The following EHMT1 variants were observed in gnomAD, a reference collection of about 807,000 sequenced individuals.
EHMT1 encodes histone-lysine N-methyltransferase EHMT1.
EHMT1 carries 15 observed loss-of-function variants against 147.2 expected under a neutral mutation model. That is an observed-to-expected ratio of 0.10 (90% CI 0.07 to 0.16). EHMT1 has a LOEUF of 0.16. Among genes scored for constraint, EHMT1 ranks in the 10% least tolerant of loss-of-function variants. The pLI is 1.00. For missense variants in EHMT1, 1,587 were observed against 1,772.4 expected, an observed-to-expected ratio of 0.90 and a Z score of 1.88; for synonymous variants, 795 against 709.6, an observed-to-expected ratio of 1.12 and a Z score of -1.91.
chr9:137,813,669 T>G lies in EHMT1; in HGVS notation c.3180+139T>G. 8.0e-7 allele frequency: 1 copy of G among 1,246,632 alleles called. No individual in the cohort carries two copies. The highest frequency in any genetic ancestry group is 2.5e-5 in the East Asian group (1 of 39,638). 77.2% of individuals were successfully genotyped at this position (1,246,632 alleles called of 1,614,324 possible). A position where few individuals can be genotyped will look rare whatever the true frequency, so the allele number is the denominator to read the frequency against. On this transcript the variant is annotated intron_variant, in intron 21 of 26. Transcript: ENST00000460843. The surrounding 1 kb of genome is among the most constrained non-coding windows in gnomAD (Gnocchi z 4.9). ...CTTCCCAGGAAGACCTCATTCTCTT[T>G]GTAGTTGCCTCCCGTGAAAGAGCTG...
At chr9:137,759,722 T>C (rs1355159882) in intron 9 of EHMT1, among the ~76,000 whole-genome samples, 1 of 152,142 alleles carries the variant, frequency 6.6e-6, no homozygotes, top group Non-Finnish European at 1.5e-5. Flanking sequence ...AGATCATCAG[T>C]GTGTAGAAGA....
At chr9:137,809,164 A>G (rs895111667) in intron 18 of EHMT1, among the ~76,000 whole-genome samples, 2 of 152,174 alleles carry the variant, frequency 1.3e-5, no homozygotes, top group African/African-American at 2.4e-5. Context: ...TTAGAAGTCA[A>G]GGGAACAGTG....
chr9:137,793,301 C>A (rs941469044), intron 16 of EHMT1, among the ~76,000 whole-genome samples: 1 of 152,238 alleles, frequency 6.6e-6, no homozygotes, highest in Non-Finnish European at 1.5e-5. Flanking sequence ...GTAGCCATCT[C>A]TCTAAGGAAG....
At chr9:137,693,158 C>T (rs1334231259) in intron 1 of EHMT1, among the ~76,000 whole-genome samples, 1 of 152,124 alleles carries the variant, frequency 6.6e-6, no homozygotes, top group African/African-American at 2.4e-5. Context: ...GGGCCGGAGC[C>T]ACAGCGTGGA....
chr9:137,803,517 A>G (rs1194857707), intron 18 of EHMT1, among the ~76,000 whole-genome samples: 1 of 152,094 alleles, frequency 6.6e-6, no homozygotes, highest in African/African-American at 2.4e-5. Flanking sequence ...TGAAGTGCCC[A>G]TTGTGTGAAT....
chr9:137,704,108 T>C (rs1944055447), intron 1 of EHMT1, among the ~76,000 whole-genome samples: 2 of 152,140 alleles, frequency 1.3e-5, no homozygotes, highest in Admixed American at 6.5e-5. Flanking sequence ...TTGTGAGATA[T>C]ATCACGAAAA....
chr9:137,775,891 G>C lies in EHMT1; in HGVS notation c.1791+639G>C, dbSNP rs890029254. On this transcript the variant is annotated intron_variant, in intron 11 of 26. Coordinates refer to ENST00000460843, the MANE Select transcript of EHMT1 (RefSeq NM_024757.5). This position sits in a 1 kb window ranked among gnomAD's most constrained non-coding sequence, Gnocchi z 6.1. ...ATCCTCGTGCATGTAGGGTGTGTGTGTGTGTGTGTCTGTGCGCGCACACAT... is the reference window on the plus strand; with the variant it reads ...ATCCTCGTGCATGTAGGGTGTGTGTCTGTGTGTGTCTGTGCGCGCACACAT... 6.6e-5 allele frequency among the ~76,000 whole-genome samples: 10 copies of C among 151,748 alleles called. No individual in the cohort carries two copies. Among genetic ancestry groups the C allele is most frequent in the African/African-American group, 2.2e-4 (9 of 41,258 alleles).
At position 137,794,463 on chromosome 9, in the gene EHMT1, C is replaced by G. The variant is rs534903363; in HGVS notation, c.2505+3493C>G. 2.0e-5 allele frequency among the ~76,000 whole-genome samples: 3 copies of G among 151,960 alleles called. No individual in the cohort carries two copies. In the South Asian group the frequency reaches 6.2e-4, roughly 32 times the overall value. On this transcript the variant is annotated intron_variant, in intron 16 of 26. Coordinates refer to ENST00000460843, the MANE Select transcript of EHMT1 (RefSeq NM_024757.5). ...AGGAGTTTGAGATCAGCCTGGACAG[C>G]ATAGTGAGACCCCATCTCTATAAGA...
chr9:137,817,311 G>A (rs1055727259), intron 23 of EHMT1, 128 bp from the exon 24 acceptor site: 6 of 1,051,778 alleles, frequency 5.7e-6, no homozygotes, highest in East Asian at 5.1e-5. Flanking sequence ...CTGCAGCATC[G>A]AACGCTTCGG....
intron 1 of EHMT1, among the ~76,000 whole-genome samples, chr9:137,644,606 G>A (rs1206975407): frequency 6.6e-6 from 1 of 152,088 alleles, no homozygotes; most frequent in African/African-American, 2.4e-5. Flanking sequence ...GATTACAGGC[G>A]TGAGCCACCG....
At position 137,809,275 on chromosome 9, in the gene EHMT1, G is replaced by C. The variant is rs1302695794; in HGVS notation, c.2713-2186G>C. ...TTCTTCGCCTTCACTGAGCTGGAAG[G>C]GTTGACGGTGCTGCACGGTGTGGAG... is the stretch of plus-strand genomic sequence containing the variant. On this transcript the variant is annotated intron_variant, in intron 18 of 26. Coordinates refer to ENST00000460843, the MANE Select transcript of EHMT1 (RefSeq NM_024757.5). Among the ~76,000 whole-genome samples the C allele has an allele frequency of 2.0e-5, 3 of 152,368 alleles. No homozygotes were observed. The East Asian group carries it at 5.8e-4, about 29-fold the overall frequency.
At chr9:137,798,765 C>T (rs1324118325) in intron 16 of EHMT1, 48 bp from the exon 17 acceptor site, 1 of 1,504,090 alleles carries the variant, frequency 6.6e-7, no homozygotes, top group East Asian at 2.3e-5. Context: ...GCTGGCACAC[C>T]AGGATCACAG....
chr9:137,676,899 T>TC (rs1416336768), intron 1 of EHMT1, among the ~76,000 whole-genome samples: 1 of 150,134 alleles, frequency 6.7e-6, no homozygotes, highest in Admixed American at 6.7e-5. Context: ...TTTTTTTTTT[T>TC]CCCTTTTTGC....
rs150451099 is a variant in EHMT1, at chr9:137,777,903, G to A, written c.2040G>A (p.Ser680=). ...TTGSAAGPPL[S]EDDKLQGAAS... is the part of the protein sequence containing the mutation. ...GAAGTGCTGCCGGGCCACCACTCTC[G>A]GAGGACGACAAGCTGCAGGGTGCAG... The change falls in exon 13 of 27, where the codon TCG becomes TCA. Residue 680 remains serine, a synonymous_variant. Transcript: ENST00000460843. The A allele has an allele frequency of 2.7e-4, 437 of 1,613,446 alleles. No homozygotes were observed. In the African/African-American group the frequency reaches 5.1e-3, roughly 19 times the overall value.
chr9:137,835,065 G>T lies in EHMT1; in HGVS notation c.*112G>T. The T allele has an allele frequency of 1.2e-5, 15 of 1,247,102 alleles. No individual in the cohort carries two copies. Among genetic ancestry groups the T allele is most frequent in the Non-Finnish European group, 1.4e-5 (14 of 971,998 alleles). The allele number at this position is 1,247,102 out of a possible 1,614,324, so 77.3% of individuals were successfully genotyped here. On this transcript the variant is annotated 3_prime_UTR_variant, in exon 27 of 27. Transcript: ENST00000460843. ...CGAAAGGGTCCTTCGGGGCTGCGCC[G>T]CCGGCTTCCTGGAGGGGTCGGAGGT...
chr9:137,735,128 T>C (rs1446148415), intron 4 of EHMT1, among the ~76,000 whole-genome samples: 1 of 152,254 alleles, frequency 6.6e-6, no homozygotes, highest in Non-Finnish European at 1.5e-5. Context: ...GCTAGTATCA[T>C]TGCAACTTTG....
intron 18 of EHMT1, chr9:137,802,951 T>C (rs966323399): frequency 3.2e-6 from 4 of 1,231,204 alleles, no homozygotes; most frequent in African/African-American, 1.6e-5. Flanking sequence ...CTGTGGCGGG[T>C]ACCTTGGAGG....
intron 8 of EHMT1, among the ~76,000 whole-genome samples, chr9:137,756,814 CT>C (rs1157980866): frequency 1.3e-5 from 2 of 152,158 alleles, no homozygotes; most frequent in Admixed American, 1.3e-4. Context: ...TTTAAATCTT[CT>C]TTTCGTTTAA....
intron 1 of EHMT1, among the ~76,000 whole-genome samples, chr9:137,631,684 T>A (rs1414441252): frequency 6.6e-6 from 1 of 152,084 alleles, no homozygotes; most frequent in Non-Finnish European, 1.5e-5. Flanking sequence ...AAGATCAGCC[T>A]GGACAACATA....
Sources: allele counts gnomAD v4.1 joint callset (sites outside exome capture counted in the v4.1 genomes callset), GRCh38; gene constraint gnomAD v4.1.1; non-coding constraint Gnocchi (gnomAD v3.1); transcripts MANE v1.5; gene names NCBI Gene and HGNC (gene_info 2026-07-23, HGNC 2026-07-21).